The following PSD3 variants were observed in gnomAD, a reference collection of about 807,000 sequenced individuals.
The protein encoded by PSD3 is pleckstrin and Sec7 domain containing 3, also known as PH and SEC7 domain-containing protein 3.
Under a neutral mutation model 105.5 loss-of-function variants are expected in PSD3, and 49 were observed. The observed-to-expected ratio is 0.46, with a 90% CI of 0.37 to 0.59. The LOEUF is 0.59. Ranked by LOEUF, PSD3 falls within the 20% of genes least tolerant of loss-of-function variation. The pLI is 0.00. For missense variants in PSD3, 1,561 were observed against 1,263.8 expected (o/e 1.24, Z -3.57); for synonymous variants, 557 against 457.8 (o/e 1.22, Z -2.77).
chr8:18,915,881 A>G (rs1300893517), intron 2 of PSD3, among the ~76,000 whole-genome samples: 2 of 152,088 alleles, frequency 1.3e-5, no homozygotes, highest in Non-Finnish European at 2.9e-5. Context: ...GAATCACCTG[A>G]GGTTGGGAGT....
rs1806985490 is a variant in PSD3, at chr8:18,632,682, G to T, written c.2341C>A (p.Pro781Thr). ...TNPFLDIPHDPNAAVYKSGFL... is the reference protein window; with the variant it reads ...TNPFLDIPHDTNAAVYKSGFL... ...CCACTTTTGTACACAGCAGCATTTG[G>T]ATCATGAGGAATGTCCAAAAATGGG... Residue 781 changes from proline (P) to threonine (T), a missense_variant, in exon 11 of 16, where the codon CCA becomes ACA. By Grantham distance (38) the Pro-to-Thr change is conservative. Coordinates refer to ENST00000327040, the MANE Select transcript of PSD3 (RefSeq NM_015310.4). 1 of 1,612,708 alleles carries T rather than the reference G, an allele frequency of 6.2e-7. No homozygotes were observed. Among genetic ancestry groups the T allele is most frequent in the Non-Finnish European group, 8.5e-7 (1 of 1,179,120 alleles).
rs528037145 is a variant in PSD3 at position 18,556,464 on chromosome 8, G to C, written c.2785-112C>G. ...TGAATGACTTTAATTCACTAAAACA[G>C]CCCAATGTGCCTCTGCTGCCACATC... On this transcript the variant is annotated intron_variant, in intron 14 of 15. Coordinates refer to ENST00000327040, the MANE Select transcript of PSD3 (RefSeq NM_015310.4). The C allele has an allele frequency of 8.9e-5, 91 of 1,026,048 alleles. 1 individual carries two copies. Among genetic ancestry groups the C allele is most frequent in the Non-Finnish European group, 8.1e-5 (57 of 702,458 alleles). 63.6% of individuals were successfully genotyped at this position (1,026,048 alleles called of 1,614,324 possible).
At chr8:19,048,544 G>T (rs62495949) in intron 1 of PSD3, among the ~76,000 whole-genome samples, 37,060 of 151,982 alleles carry the variant, frequency 0.24, 5,567 homozygotes, top group Middle Eastern at 0.38. Context: ...TTGTATATCC[G>T]TGGAAAAGAA....
intron 1 of PSD3, among the ~76,000 whole-genome samples, chr8:18,989,702 C>T (rs1024691070): frequency 6.6e-6 from 1 of 152,168 alleles, no homozygotes; most frequent in African/African-American, 2.4e-5. Flanking sequence ...CAATAAATAT[C>T]CTAACAAATG....
At chr8:18,798,482 CTA>C (rs1810385514) in intron 8 of PSD3, among the ~76,000 whole-genome samples, 1 of 152,044 alleles carries the variant, frequency 6.6e-6, no homozygotes, top group Admixed American at 6.6e-5. Context: ...AAAGGGAACA[CTA>C]TATTTTCCAA....
At chr8:18,835,689 A>T (rs1317336952) in intron 4 of PSD3, among the ~76,000 whole-genome samples, 3 of 152,240 alleles carry the variant, frequency 2.0e-5, no homozygotes, top group African/African-American at 4.8e-5. Context: ...AGAATCATTA[A>T]AAATGTGAAG....
chr8:18,649,984 C>A (rs777274296), intron 10 of PSD3, among the ~76,000 whole-genome samples: 4 of 152,208 alleles, frequency 2.6e-5, no homozygotes, highest in Non-Finnish European at 5.9e-5. Flanking sequence ...GCCAATTAAA[C>A]CTCTTTTGTT....
chr8:19,045,272 G>C (rs1416725369), intron 1 of PSD3, among the ~76,000 whole-genome samples: 1 of 152,112 alleles, frequency 6.6e-6, no homozygotes, highest in Non-Finnish European at 1.5e-5. Context: ...TTGAATGTTT[G>C]GACTTTATTT....
chr8:19,046,486 C>A (rs1466554942), intron 1 of PSD3, among the ~76,000 whole-genome samples: 3 of 152,178 alleles, frequency 2.0e-5, no homozygotes, highest in African/African-American at 4.8e-5. Flanking sequence ...ATCACTTATT[C>A]ATTCAACAAA....
At chr8:18,639,591 G>C (rs1418932739) in intron 10 of PSD3, among the ~76,000 whole-genome samples, 2 of 152,100 alleles carry the variant, frequency 1.3e-5, no homozygotes, top group Admixed American at 1.3e-4. Context: ...TCTGGACACA[G>C]ACACACACAT....
At chr8:18,940,890 A>G (rs2129469376) in intron 1 of PSD3, among the ~76,000 whole-genome samples, 1 of 152,284 alleles carries the variant, frequency 6.6e-6, no homozygotes, top group South Asian at 2.1e-4. Flanking sequence ...CTATAACAAC[A>G]GTCTGGACCT....
chr8:18,735,933 G>A (rs960670196), intron 9 of PSD3, among the ~76,000 whole-genome samples: 1 of 151,872 alleles, frequency 6.6e-6, no homozygotes. Flanking sequence ...AAAATACAAA[G>A]AATAAATAAA....
intron 14 of PSD3, among the ~76,000 whole-genome samples, chr8:18,558,946 T>C (rs938091429): frequency 1.3e-5 from 2 of 152,246 alleles, no homozygotes; most frequent in African/African-American, 2.4e-5. Flanking sequence ...TTTATCTACA[T>C]GTATGCTCTA....
intron 1 of PSD3, among the ~76,000 whole-genome samples, chr8:18,979,192 C>T (rs1474669248): frequency 6.6e-6 from 1 of 151,570 alleles, no homozygotes; most frequent in Non-Finnish European, 1.5e-5. Context: ...AGCACATAGC[C>T]ATCTTTGTTG....
At chr8:18,930,540 T>A (rs768683551) in intron 2 of PSD3, among the ~76,000 whole-genome samples, 1 of 151,796 alleles carries the variant, frequency 6.6e-6, no homozygotes, top group African/African-American at 2.4e-5. Flanking sequence ...ACAGAACGTA[T>A]ATCTTTAACT....
At chr8:18,686,925 A>G (rs1012166810) in intron 9 of PSD3, among the ~76,000 whole-genome samples, 1 of 152,082 alleles carries the variant, frequency 6.6e-6, no homozygotes, top group Non-Finnish European at 1.5e-5. Context: ...TTCCAAAAGG[A>G]CCTTCTGTGA....
intron 13 of PSD3, among the ~76,000 whole-genome samples, chr8:18,574,577 T>C (rs952116599): frequency 7.9e-5 from 12 of 152,308 alleles, no homozygotes; most frequent in African/African-American, 2.6e-4. Flanking sequence ...CTTTTCCTTC[T>C]AGTATAATCA....
At chr8:19,003,257 G>C (rs996196423) in intron 1 of PSD3, among the ~76,000 whole-genome samples, 1 of 151,982 alleles carries the variant, frequency 6.6e-6, no homozygotes, top group Non-Finnish European at 1.5e-5. Context: ...TGTAGTTCCA[G>C]CTATTTGGGA....
chr8:18,941,648 C>A (rs1388835986), intron 1 of PSD3, among the ~76,000 whole-genome samples: 1 of 149,732 alleles, frequency 6.7e-6, no homozygotes, highest in African/African-American at 2.5e-5. Context: ...AAGATAAGCA[C>A]TACTGATGTA....
Sources: gnomAD v4.1 joint callset for allele counts (sites outside exome capture counted in the v4.1 genomes callset) on GRCh38, gnomAD v4.1.1 for gene constraint, MANE v1.5 for transcripts, NCBI Gene and HGNC (gene_info 2026-07-23, HGNC 2026-07-21) for gene names.